The following DEPDC4 variants were observed in gnomAD, a reference collection of about 807,000 sequenced individuals.
DEPDC4 encodes the protein DEP domain-containing protein 4.
A neutral mutation model predicts 52.0 loss-of-function variants in DEPDC4; 52 were observed. The ratio of observed to expected loss-of-function variants is 1.00; its 90% CI spans 0.80 to 1.26. The LOEUF (loss-of-function observed/expected upper bound fraction) is 1.26. DEPDC4 is among the 50% of genes most tolerant of loss of function. The pLI, the probability that DEPDC4 is intolerant of heterozygous loss-of-function variation, is 0.00. For synonymous variants in DEPDC4, 201 were observed against 196.8 expected, an observed-to-expected ratio of 1.02 and a Z score of -0.18; for missense variants, 530 against 546.9, an observed-to-expected ratio of 0.97 and a Z score of 0.31.
At chr12:100,275,813 T>C in the DEPDC4 span, among the ~76,000 whole-genome samples, 1 of 152,232 alleles carries the variant, frequency 6.6e-6, no homozygotes, top group Non-Finnish European at 1.5e-5. Context: ...TAGCTGTAAT[T>C]ATTCAAAGAT....
At chr12:100,246,653 C>G (rs1020224293) in intron 8 of DEPDC4, among the ~76,000 whole-genome samples, 2 of 152,106 alleles carry the variant, frequency 1.3e-5, no homozygotes, top group Non-Finnish European at 2.9e-5. Flanking sequence ...TTCAAGTAAT[C>G]AGGCCAGGCA....
downstream of DEPDC4, among the ~76,000 whole-genome samples, chr12:100,235,173 A>T (rs1388777279): frequency 6.6e-6 from 1 of 152,046 alleles, no homozygotes; most frequent in Non-Finnish European, 1.5e-5. Context: ...AAATGATAAC[A>T]AAATAAGATA....
chr12:100,266,440 C>G (rs1282219352), intron 1 of DEPDC4, among the ~76,000 whole-genome samples: 1 of 152,102 alleles, frequency 6.6e-6, no homozygotes, highest in Non-Finnish European at 1.5e-5. Flanking sequence ...TACAGCGGTA[C>G]AGCCTGTTTT....
chr12:100,270,881 GCTT>G (rs2096286900), upstream of DEPDC4, among the ~76,000 whole-genome samples: 1 of 151,872 alleles, frequency 6.6e-6, no homozygotes, highest in African/African-American at 2.4e-5. Context: ...TTAGCATGGT[GCTT>G]TTCATCTAGT....
chr12:100,276,246 C>A, the DEPDC4 span, among the ~76,000 whole-genome samples: 1 of 152,050 alleles, frequency 6.6e-6, no homozygotes. Context: ...GATGATATAC[C>A]CTATTCATTT....
chr12:100,271,702 G>A (rs765576711), upstream of DEPDC4, among the ~76,000 whole-genome samples: 1 of 152,146 alleles, frequency 6.6e-6, no homozygotes, highest in Admixed American at 6.5e-5. Context: ...ATTACGGTAA[G>A]CCTTTTATTT....
At chr12:100,273,854 A>G in the DEPDC4 span, among the ~76,000 whole-genome samples, 6,637 of 152,318 alleles carry the variant, frequency 0.044, 165 homozygotes, top group South Asian at 0.084. Context: ...GGAGTCCCTA[A>G]AAAGAAGAAC....
intron 1 of DEPDC4, among the ~76,000 whole-genome samples, chr12:100,264,694 T>C (rs1446229494): frequency 1.3e-5 from 2 of 151,688 alleles, no homozygotes; most frequent in Non-Finnish European, 2.9e-5. Context: ...AAAAAAAAGT[T>C]TGCTGAAAAA....
At chr12:100,271,901 T>TA (rs1394383211), upstream of DEPDC4, among the ~76,000 whole-genome samples, 4 of 152,230 alleles carry the variant, frequency 2.6e-5, no homozygotes, top group African/African-American at 4.8e-5. Flanking sequence ...TTTTACCTGT[T>TA]ACATTTCTTG....
chr12:100,237,730 TTTCA>T (rs1210731860), downstream of DEPDC4: 2 of 152,214 alleles, frequency 1.3e-5, no homozygotes, highest in Non-Finnish European at 1.5e-5. Context: ...TTTTAATTTA[TTTCA>T]TTTTTTATTT....
intron 8 of DEPDC4, among the ~76,000 whole-genome samples, chr12:100,243,830 T>C (rs753879922): frequency 6.6e-6 from 1 of 151,926 alleles, no homozygotes; most frequent in Admixed American, 6.6e-5. Flanking sequence ...GGATTTTGCC[T>C]CTCAAGTGAT....
At chr12:100,272,392 G>A in the DEPDC4 span, among the ~76,000 whole-genome samples, 1,233 of 152,164 alleles carry the variant, frequency 8.1e-3, 19 homozygotes, top group African/African-American at 0.028. Context: ...TTAAGTTCAG[G>A]TCTTATTTTA....
chr12:100,237,062 A>G (rs1005131670), downstream of DEPDC4, among the ~76,000 whole-genome samples: 8 of 152,116 alleles, frequency 5.3e-5, no homozygotes, highest in African/African-American at 1.9e-4. Context: ...TTATACTAGT[A>G]CCATGCTGTT....
Position 100,262,372 on chromosome 12 carries a change from C to G in DEPDC4, c.592G>C (p.Glu198Gln), listed in dbSNP as rs570449816. Reference protein sequence around the residue: ...YEMISNPLAQEIGEERIEELI... With the variant: ...YEMISNPLAQQIGEERIEELI... ...TCCTCAATTCTTTCCTCACCAATCT[C>G]CTGTGCTAGAGGATTTGAAATCATT... The change falls in exon 3 of 10, where the codon GAG becomes CAG. Residue 198 changes from glutamate (E) to glutamine (Q), a missense_variant. Glu to Gln is a conservative substitution (Grantham distance 29, BLOSUM62 2). Coordinates refer to ENST00000550587, the MANE Select transcript of DEPDC4 (RefSeq NM_001364818.2). The G allele has an allele frequency of 1.2e-6, 2 of 1,612,914 alleles. No homozygotes were observed. Among genetic ancestry groups the G allele is most frequent in the African/African-American group, 1.3e-5 (1 of 74,980 alleles).
chr12:100,252,396 G>A lies in DEPDC4; in HGVS notation c.1246C>T (p.Gln416Ter). Residue 416 changes from glutamine to a stop codon, truncating the protein, a stop_gained and splice_region_variant, in exon 6 of 10, where the codon CAG (glutamine) becomes TAG (stop). Coordinates refer to ENST00000550587, the MANE Select transcript of DEPDC4 (RefSeq NM_001364818.2). LOFTEE classifies it high-confidence loss of function. ...AAACTTATTGCAAAATTTTTCACCT[G>A]TTTTTGCAACTTGTAGGCATTGGGC... is the stretch of plus-strand genomic sequence containing the variant. ...SEPNAYKLQK[Q>*]YDNKTVVLKT... 6.4e-7 allele frequency: 1 copy of A among 1,551,138 alleles called. No homozygotes were observed. The highest frequency in any genetic ancestry group is 1.4e-5 in the African/African-American group (1 of 73,398).
chr12:100,252,185 C>A lies in DEPDC4; in HGVS notation c.1365G>T (p.Glu455Asp). Residue 455 changes from glutamate (E) to aspartate (D), a missense_variant, in exon 7 of 10, where the codon GAG (glutamate) becomes GAT (aspartate). Coordinates refer to ENST00000550587, the MANE Select transcript of DEPDC4 (RefSeq NM_001364818.2). The part of the protein sequence containing the change: ...LVWFPLEYHS[E>D]LFKTPVTLLD... ...AAAATGCCAGAGATACCTTGAAGAG[C>A]TCAGAGTGGTACTCCAGTGGAAACC... The A allele has an allele frequency of 8.0e-7, 1 of 1,242,616 alleles. No individual in the cohort carries two copies. The highest frequency in any genetic ancestry group is 1.7e-5 in the South Asian group (1 of 59,216). 77.0% of individuals were successfully genotyped at this position (1,242,616 alleles called of 1,614,324 possible).
intron 8 of DEPDC4, among the ~76,000 whole-genome samples, chr12:100,246,241 A>C (rs1263769004): frequency 6.7e-6 from 1 of 149,654 alleles, no homozygotes; most frequent in Non-Finnish European, 1.5e-5. Flanking sequence ...CCTATTCTTT[A>C]AGACTCCTAT....
At chr12:100,250,463 A>G (rs1283182488) in intron 7 of DEPDC4, among the ~76,000 whole-genome samples, 2 of 151,896 alleles carry the variant, frequency 1.3e-5, no homozygotes, top group African/African-American at 4.8e-5. Context: ...CCAGTGATCC[A>G]CCTGCCTTGG....
chr12:100,263,958 G>C, intron 1 of DEPDC4, 65 bp from the exon 2 acceptor site: 1 of 1,462,896 alleles, frequency 6.8e-7, no homozygotes, highest in South Asian at 1.4e-5. Flanking sequence ...AAATTTTTCA[G>C]TTTTGACAAC....
Sources: allele counts gnomAD v4.1 joint callset (sites outside exome capture counted in the v4.1 genomes callset), GRCh38; gene constraint gnomAD v4.1.1; transcripts MANE v1.5; gene names NCBI Gene and HGNC (gene_info 2026-07-23, HGNC 2026-07-21).